Variants in CCSER2 observed in about 807,000 individuals in gnomAD.
CCSER2 encodes the protein coiled-coil serine rich protein 2, also known as serine-rich coiled-coil domain-containing protein 2.
A neutral mutation model predicts 92.3 loss-of-function variants in CCSER2; 46 were observed. That is an observed-to-expected ratio of 0.50 (90% CI 0.39 to 0.64). The LOEUF is 0.64. Among genes scored for constraint, CCSER2 ranks in the 30% least tolerant of loss-of-function variants. The probability of loss-of-function intolerance (pLI) is 0.00; values close to 1 mark genes in which losing one functional copy is unlikely to be tolerated. For synonymous variants in CCSER2, 433 were observed against 431.4 expected (o/e 1.00, Z -0.04); for missense variants, 1,244 against 1,238.9 (o/e 1.00, Z -0.06).
At chr10:84,363,679 GTTC>G (rs1489339041) in intron 1 of CCSER2, among the ~76,000 whole-genome samples, 4 of 152,186 alleles carry the variant, frequency 2.6e-5, no homozygotes, top group East Asian at 3.8e-4. Context: ...AGCTCTTACT[GTTC>G]TTCTGCTAAA....
intron 1 of CCSER2, among the ~76,000 whole-genome samples, chr10:84,340,119 A>G (rs1428122223): frequency 6.6e-6 from 1 of 152,208 alleles, no homozygotes; most frequent in East Asian, 1.9e-4. Flanking sequence ...CTGGGATTAC[A>G]GGTGTGAGCC....
chr10:84,394,952 G>A (rs996933951), intron 3 of CCSER2, among the ~76,000 whole-genome samples: 3 of 151,974 alleles, frequency 2.0e-5, no homozygotes, highest in Admixed American at 6.6e-5. Context: ...GGCGGGGTGC[G>A]GTGGATCATG....
At chr10:84,502,789 C>T (rs987199469) in intron 9 of CCSER2, among the ~76,000 whole-genome samples, 12 of 152,034 alleles carry the variant, frequency 7.9e-5, no homozygotes, top group African/African-American at 2.2e-4. Context: ...TTTTAAGTTA[C>T]GGAAGTATAG....
chr10:84,424,852 C>A, intron 4 of CCSER2: 1 of 183,268 alleles, frequency 5.5e-6, no homozygotes, highest in Non-Finnish European at 1.0e-5. Flanking sequence ...TATGTAAGCA[C>A]TGAGTGAAGA....
intron 9 of CCSER2, among the ~76,000 whole-genome samples, chr10:84,488,081 G>T (rs968849010): frequency 1.3e-5 from 2 of 152,116 alleles, no homozygotes; most frequent in African/African-American, 2.4e-5. Flanking sequence ...TGCATCCCAG[G>T]GATGAAGCCC....
At chr10:84,351,675 G>T (rs972534855) in intron 1 of CCSER2, among the ~76,000 whole-genome samples, 8 of 152,160 alleles carry the variant, frequency 5.3e-5, no homozygotes, top group Non-Finnish European at 1.0e-4. Context: ...TGGCCCAGAA[G>T]TTTTAAAATA....
At chr10:84,354,238 T>C (rs778158538) in intron 1 of CCSER2, among the ~76,000 whole-genome samples, 6 of 141,418 alleles carry the variant, frequency 4.2e-5, no homozygotes, top group Admixed American at 1.5e-4. Context: ...ACGTCTATGT[T>C]GTCTCAAGTT....
chr10:84,386,377 A>C (rs1302150835), intron 3 of CCSER2, among the ~76,000 whole-genome samples: 3 of 152,226 alleles, frequency 2.0e-5, no homozygotes, highest in Admixed American at 2.0e-4. Flanking sequence ...TGGATAAAGA[A>C]AATGTGGTGT....
rs755823927 is a variant in CCSER2 at position 84,516,388 on chromosome 10, G to A, written c.*2121G>A. 5.3e-5 allele frequency: 8 copies of A among 152,174 alleles called. No individual in the cohort carries two copies. The highest frequency in any genetic ancestry group is 7.3e-5 in the Non-Finnish European group (5 of 68,036). 9.4% of individuals were successfully genotyped at this position (152,174 alleles called of 1,614,324 possible). A position where few individuals can be genotyped will look rare whatever the true frequency, so the allele number is the denominator to read the frequency against. ...GTCAGGCAAATCAGCAAAGCACTTT[G>A]TTATGGAGATGACCCATGATGGCTG... On this transcript the variant is annotated 3_prime_UTR_variant, in exon 10 of 10. Transcript: ENST00000372088.
chr10:84,441,736 G>GTTTTTTTTTTTTTTT (rs869280119), intron 6 of CCSER2, among the ~76,000 whole-genome samples: 1 of 43,646 alleles, frequency 2.3e-5, no homozygotes, highest in Non-Finnish European at 4.8e-5. Flanking sequence ...CTGGGAAAAT[G>GTTTTTTTTTTTTTTT]TTTTTTTTTT....
intron 5 of CCSER2, 73 bp downstream of exon 5, chr10:84,425,966 C>A: frequency 8.5e-7 from 1 of 1,174,736 alleles, no homozygotes; most frequent in East Asian, 2.7e-5. Context: ...TTTCCCAGAA[C>A]CCTCAAAAAA....
Position 84,371,183 on chromosome 10 carries a change from A to G in CCSER2, c.131A>G (p.Asn44Ser). Residue 44 changes from asparagine to serine, a missense_variant, in exon 2 of 10, where the codon AAT (asparagine) becomes AGT (serine). Asn to Ser is a conservative substitution (Grantham distance 46). Coordinates refer to ENST00000372088, the MANE Select transcript of CCSER2 (RefSeq NM_001284240.2). ...TPVNLLGTSK[N>S]SNVKSYIKNN... ...GTTAATTTATTAGGAACTTCCAAGA[A>G]TAGTAATGTCAAAAGTTACATCAAA... 2 of 1,613,550 alleles carry G rather than the reference A, an allele frequency of 1.2e-6. 1 individual carries two copies. Among genetic ancestry groups the G allele is most frequent in the Non-Finnish European group, 1.7e-6 (2 of 1,179,678 alleles).
At chr10:84,457,384 T>TAA (rs1845790447) in intron 6 of CCSER2, among the ~76,000 whole-genome samples, 1 of 96,682 alleles carries the variant, frequency 1.0e-5, no homozygotes, top group Non-Finnish European at 1.9e-5. Flanking sequence ...ATATTTTAAA[T>TAA]ATATATTTAT....
chr10:84,497,870 G>A (rs941013371), intron 9 of CCSER2, among the ~76,000 whole-genome samples: 1 of 152,180 alleles, frequency 6.6e-6, no homozygotes, highest in Non-Finnish European at 1.5e-5. Flanking sequence ...AATTACTGGA[G>A]TGGAGATGGG....
chr10:84,448,011 C>T (rs573122178), intron 6 of CCSER2, among the ~76,000 whole-genome samples: 1 of 152,214 alleles, frequency 6.6e-6, no homozygotes, highest in Admixed American at 6.5e-5. Flanking sequence ...TGCTCCCACT[C>T]TTCCGTGTAC....
chr10:84,421,134 A>G (rs1843129482), intron 4 of CCSER2, among the ~76,000 whole-genome samples: 1 of 152,058 alleles, frequency 6.6e-6, no homozygotes, highest in Non-Finnish European at 1.5e-5. Context: ...TGAGGAGAGT[A>G]TTTTTCTGGT....
rs7095535 is a variant in CCSER2 at position 84,506,462 on chromosome 10, G to A, written c.2326-6987G>A. Among the ~76,000 whole-genome samples, 19 of 152,222 alleles carry A rather than the reference G, an allele frequency of 1.2e-4. 1 individual carries two copies. Among genetic ancestry groups the A allele is most frequent in the Middle Eastern group, 6.8e-3 (2 of 294 alleles). On this transcript the variant is annotated intron_variant, in intron 9 of 9. Coordinates refer to ENST00000372088, the MANE Select transcript of CCSER2 (RefSeq NM_001284240.2). ...CACTTATAATTTGCATCATATTCAG[G>A]TTAAGATCAGATTATACCTTTAGTG...
intron 5 of CCSER2, among the ~76,000 whole-genome samples, chr10:84,436,810 T>A (rs1192041601): frequency 6.6e-6 from 1 of 152,160 alleles, no homozygotes; most frequent in African/African-American, 2.4e-5. Flanking sequence ...AAGTACTTAA[T>A]GAGAAGTAGT....
intron 9 of CCSER2, among the ~76,000 whole-genome samples, chr10:84,483,877 C>G (rs1589783966): frequency 1.4e-5 from 2 of 143,612 alleles, no homozygotes; most frequent in African/African-American, 5.1e-5. Context: ...CATCTGCCTC[C>G]CTGTTCAAGA....
Sources: allele counts gnomAD v4.1 joint callset (sites outside exome capture counted in the v4.1 genomes callset), GRCh38; gene constraint gnomAD v4.1.1; transcripts MANE v1.5; gene names NCBI Gene and HGNC (gene_info 2026-07-23, HGNC 2026-07-21).